The following TTC27 variants were observed in gnomAD, a reference collection of about 807,000 sequenced individuals.
The protein encoded by TTC27 is tetratricopeptide repeat domain 27.
TTC27 carries 79 observed loss-of-function variants against 115.9 expected under a neutral mutation model. The observed-to-expected ratio is 0.68, with a 90% CI of 0.57 to 0.82. The LOEUF is 0.82. Ranked by LOEUF, TTC27 falls within the 40% of genes least tolerant of loss-of-function variation. TTC27 has a pLI of 0.00. For synonymous variants in TTC27, 401 were observed against 356.0 expected (o/e 1.13, Z -1.42); for missense variants, 1,054 against 993.1 (o/e 1.06, Z -0.82).
intron 12 of TTC27, among the ~76,000 whole-genome samples, chr2:32,755,967 A>G (rs1444926483): frequency 6.6e-6 from 1 of 152,180 alleles, no homozygotes; most frequent in Admixed American, 6.5e-5. Context: ...AACTTAAGTA[A>G]TTCTTTCATC....
chr2:32,630,173 T>G (rs141691738), intron 1 of TTC27, among the ~76,000 whole-genome samples: 121 of 152,280 alleles, frequency 7.9e-4, no homozygotes, highest in Non-Finnish European at 1.1e-3. Context: ...AAGAACCAGA[T>G]TGTGAAAAGT....
intron 2 of TTC27, among the ~76,000 whole-genome samples, chr2:32,631,294 C>T (rs1301186662): frequency 6.6e-6 from 1 of 152,032 alleles, no homozygotes; most frequent in Non-Finnish European, 1.5e-5. Flanking sequence ...CAGAGCGAGA[C>T]TCTGTCTCAA....
intron 16 of TTC27, among the ~76,000 whole-genome samples, chr2:32,789,945 A>AAAAAAG (rs1670477228): frequency 7.3e-6 from 1 of 137,198 alleles, no homozygotes; most frequent in Non-Finnish European, 1.5e-5. Flanking sequence ...AAAAAAAAAA[A>AAAAAAG]AGAGAAGTCT....
At chr2:32,730,466 C>T (rs147922208) in intron 10 of TTC27, among the ~76,000 whole-genome samples, 6 of 151,936 alleles carry the variant, frequency 3.9e-5, no homozygotes, top group Non-Finnish European at 7.4e-5. Context: ...TTTCAGATTG[C>T]GTTGCTAGAA....
chr2:32,735,912 C>G (rs925703871), intron 11 of TTC27, among the ~76,000 whole-genome samples: 2 of 152,054 alleles, frequency 1.3e-5, no homozygotes, highest in African/African-American at 4.8e-5. Flanking sequence ...AGGCATATTT[C>G]TGATATTATC....
Position 32,820,973 on chromosome 2 carries a change from C to T in TTC27, c.*35C>T, listed in dbSNP as rs754878267. The T allele has an allele frequency of 2.0e-5, 29 of 1,447,040 alleles. No homozygotes were observed. Among genetic ancestry groups the T allele is most frequent in the Non-Finnish European group, 2.7e-5 (29 of 1,086,422 alleles). The allele number at this position is 1,447,040 out of a possible 1,614,324, so 89.6% of individuals were successfully genotyped here. ...AAGCAGATTCTGGAAAAGGTGCTTT[C>T]ACCTGCTGGTAAAAGATACATCTGT... On this transcript the variant is annotated 3_prime_UTR_variant, in exon 20 of 20. Coordinates refer to ENST00000317907, the MANE Select transcript of TTC27 (RefSeq NM_017735.5).
intron 9 of TTC27, among the ~76,000 whole-genome samples, chr2:32,683,824 T>G (rs757792139): frequency 6.6e-6 from 1 of 152,102 alleles, no homozygotes; most frequent in Non-Finnish European, 1.5e-5. Context: ...TGGGAACAGT[T>G]TAGTTAATTC....
intron 12 of TTC27, among the ~76,000 whole-genome samples, chr2:32,738,256 TTGGAC>T (rs1668511710): frequency 6.6e-6 from 1 of 152,176 alleles, no homozygotes; most frequent in African/African-American, 2.4e-5. Flanking sequence ...CTTTGTGATG[TTGGAC>T]AAGTTGCTTT....
intron 16 of TTC27, among the ~76,000 whole-genome samples, chr2:32,805,553 A>G (rs1001556574): frequency 7.9e-5 from 12 of 152,370 alleles, no homozygotes; most frequent in African/African-American, 2.9e-4. Flanking sequence ...GGTTTGGCAC[A>G]AAGCGAGTGC....
chr2:32,722,266 G>A (rs1667958088), intron 10 of TTC27, among the ~76,000 whole-genome samples: 1 of 152,130 alleles, frequency 6.6e-6, no homozygotes, highest in African/African-American at 2.4e-5. Context: ...TTTCATTCTA[G>A]CTCTGTATTT....
intron 10 of TTC27, among the ~76,000 whole-genome samples, chr2:32,729,923 A>G (rs904258769): frequency 6.6e-6 from 1 of 152,164 alleles, no homozygotes; most frequent in Non-Finnish European, 1.5e-5. Context: ...AGAAACTGGA[A>G]AGAGAAAATG....
At chr2:32,734,708 G>A (rs1429478612) in intron 11 of TTC27, among the ~76,000 whole-genome samples, 1 of 152,128 alleles carries the variant, frequency 6.6e-6, no homozygotes, top group African/African-American at 2.4e-5. Context: ...GAGGCTCGGT[G>A]CAATTAGTTT....
At chr2:32,732,103 A>G (rs1292442363) in intron 10 of TTC27, among the ~76,000 whole-genome samples, 1 of 152,188 alleles carries the variant, frequency 6.6e-6, no homozygotes, top group Non-Finnish European at 1.5e-5. Flanking sequence ...TTCTCTATGA[A>G]GTAATTTGTT....
intron 9 of TTC27, among the ~76,000 whole-genome samples, chr2:32,690,402 C>G (rs915797497): frequency 1.3e-5 from 2 of 152,032 alleles, no homozygotes; most frequent in Non-Finnish European, 2.9e-5. Context: ...TTAATTTAGC[C>G]CAGGTCAGAG....
chr2:32,749,858 C>A (rs1001395281), intron 12 of TTC27, among the ~76,000 whole-genome samples: 16 of 151,976 alleles, frequency 1.1e-4, no homozygotes, highest in Admixed American at 9.2e-4. Context: ...AAAAGCTAAC[C>A]TATATGTTAC....
intron 10 of TTC27, among the ~76,000 whole-genome samples, chr2:32,718,567 G>GT (rs1471561110): frequency 7.2e-5 from 11 of 152,274 alleles, no homozygotes; most frequent in African/African-American, 2.6e-4. Flanking sequence ...GGTATGACCT[G>GT]TCTTATATGT....
chr2:32,791,496 A>G (rs1388488361), intron 16 of TTC27, among the ~76,000 whole-genome samples: 2 of 152,192 alleles, frequency 1.3e-5, no homozygotes, highest in African/African-American at 4.8e-5. Flanking sequence ...TCCTCATTTT[A>G]TAGTTGATTA....
chr2:32,694,983 C>G (rs1277034192), intron 9 of TTC27, among the ~76,000 whole-genome samples: 1 of 152,008 alleles, frequency 6.6e-6, no homozygotes, highest in Admixed American at 6.6e-5. Context: ...CCAGCCTGCT[C>G]TGTCTTTTTA....
chr2:32,763,169 A>G (rs1281021702), intron 13 of TTC27, among the ~76,000 whole-genome samples: 1 of 152,260 alleles, frequency 6.6e-6, no homozygotes, highest in Non-Finnish European at 1.5e-5. Context: ...TATGGATCCA[A>G]TTCAGGCGGG....
Sources: allele counts gnomAD v4.1 joint callset (sites outside exome capture counted in the v4.1 genomes callset), GRCh38; gene constraint gnomAD v4.1.1; transcripts MANE v1.5; gene names NCBI Gene and HGNC (gene_info 2026-07-23, HGNC 2026-07-21).